Variants in CALCRL observed in about 807,000 individuals in gnomAD.
CALCRL encodes the protein calcitonin gene-related peptide type 1 receptor.
In CALCRL, 27 loss-of-function variants were observed where a neutral mutation model predicts 60.4. The observed-to-expected ratio is 0.45, with a 90% confidence interval of 0.33 to 0.62. CALCRL has a LOEUF of 0.62. Among genes scored for constraint, CALCRL ranks in the 20% least tolerant of loss-of-function variants. CALCRL has a pLI of 0.03. For missense variants in CALCRL, 424 were observed against 540.7 expected, an observed-to-expected ratio of 0.78 and a Z score of 2.14; for synonymous variants, 190 against 182.6, an observed-to-expected ratio of 1.04 and a Z score of -0.33.
chr2:187,347,267 T>C (rs991797023), intron 14 of CALCRL, among the ~76,000 whole-genome samples: 1 of 151,806 alleles, frequency 6.6e-6, no homozygotes, highest in African/African-American at 2.4e-5. Context: ...TGAGGACTTT[T>C]CCATGTCTGA....
At chr2:187,364,785 T>C (rs774944286) in intron 8 of CALCRL, among the ~76,000 whole-genome samples, 83 of 152,184 alleles carry the variant, frequency 5.5e-4, no homozygotes, top group Non-Finnish European at 7.5e-4. Flanking sequence ...ATCAATATTA[T>C]AAATTGTCAA....
intron 14 of CALCRL, among the ~76,000 whole-genome samples, chr2:187,351,354 T>C (rs1434724780): frequency 5.3e-5 from 8 of 151,686 alleles, no homozygotes; most frequent in African/African-American, 1.9e-4. Flanking sequence ...AGGAAACGCA[T>C]GGATAAAAAT....
At chr2:187,401,431 A>G (rs1559062685) in intron 1 of CALCRL, among the ~76,000 whole-genome samples, 1 of 151,710 alleles carries the variant, frequency 6.6e-6, no homozygotes, top group Non-Finnish European at 1.5e-5. Context: ...TATTTTATAT[A>G]TATAGAACTG....
Position 187,346,058 on chromosome 2 carries a change from G to C in CALCRL, c.*126C>G, listed in dbSNP as rs1238891406. On this transcript the variant is annotated 3_prime_UTR_variant, in exon 15 of 15. Transcript: ENST00000392370. ...CTTATCAACACACTACTAATTTCAT[G>C]TGAAGGCTCTTCTTTATGACATTCA... 1.6e-6 allele frequency: 1 copy of C among 615,624 alleles called. No individual in the cohort carries two copies. The allele number at this position is 615,624 out of a possible 1,614,324, so 38.1% of individuals were successfully genotyped here. A position where few individuals can be genotyped will look rare whatever the true frequency, so the allele number is the denominator to read the frequency against.
intron 1 of CALCRL, among the ~76,000 whole-genome samples, chr2:187,388,077 A>T (rs1260805328): frequency 2.0e-5 from 3 of 151,964 alleles, no homozygotes; most frequent in Non-Finnish European, 4.4e-5. Flanking sequence ...TTGATTTTAG[A>T]TATTTACATT....
chr2:187,358,986 G>A, intron 12 of CALCRL, 77 bp downstream of exon 12: 1 of 1,173,012 alleles, frequency 8.5e-7, no homozygotes, highest in Non-Finnish European at 1.3e-6. Flanking sequence ...GGACCCTGAA[G>A]GATACCATAG....
chr2:187,345,335 A>G lies in CALCRL; in HGVS notation c.*849T>C, dbSNP rs1337052908. On this transcript the variant is annotated 3_prime_UTR_variant, in exon 15 of 15. Coordinates refer to ENST00000392370, the MANE Select transcript of CALCRL (RefSeq NM_005795.6). ...CCTTCATTGATTTTCTTTATATAAA[A>G]TGATTGCTAATTTGTTTATACAGTA... The G allele has an allele frequency of 6.6e-6, 1 of 152,314 alleles. No homozygotes were observed. The highest frequency in any genetic ancestry group is 1.5e-5 in the Non-Finnish European group (1 of 67,862). 9.4% of individuals were successfully genotyped at this position (152,314 alleles called of 1,614,324 possible). A position where few individuals can be genotyped will look rare whatever the true frequency, so the allele number is the denominator to read the frequency against.
Position 187,417,482 on chromosome 2 carries a change from A to G in CALCRL, c.-292-29726T>C, listed in dbSNP as rs1268352586. ...AGATTTAAAATATTTGATGAAATAT[A>G]TGCCTGTGTTACAGATAATATATGC... On this transcript the variant is annotated intron_variant, in intron 1 of 14. Coordinates refer to ENST00000392370, the MANE Select transcript of CALCRL (RefSeq NM_005795.6). Among the ~76,000 whole-genome samples the G allele has an allele frequency of 5.3e-5, 8 of 152,106 alleles. No homozygotes were observed. In the East Asian group the frequency reaches 1.5e-3, roughly 29 times the overall value.
chr2:187,353,713 T>A (rs1686639064), intron 12 of CALCRL, among the ~76,000 whole-genome samples: 1 of 151,994 alleles, frequency 6.6e-6, no homozygotes, highest in African/African-American at 2.4e-5. Context: ...ATTCCACTCA[T>A]CCTAATATAT....
At chr2:187,380,886 T>G (rs1376863933) in intron 5 of CALCRL, 99 bp from the exon 6 acceptor site, 4 of 742,814 alleles carry the variant, frequency 5.4e-6, no homozygotes, top group Non-Finnish European at 8.8e-6. Flanking sequence ...GAGTAAAGGC[T>G]ATCTACTGAA....
intron 1 of CALCRL, among the ~76,000 whole-genome samples, chr2:187,433,176 G>A (rs1484335103): frequency 1.3e-5 from 2 of 152,030 alleles, no homozygotes; most frequent in East Asian, 3.9e-4. Context: ...AAATTTACCA[G>A]GTTCAAAGTT....
chr2:187,380,448 A>G lies in CALCRL; in HGVS notation c.408+19T>C. 7.1e-7 allele frequency: 1 copy of G among 1,414,232 alleles called. No individual in the cohort carries two copies. Among genetic ancestry groups the G allele is most frequent in the Non-Finnish European group, 1.0e-6 (1 of 999,786 alleles). 87.6% of individuals were successfully genotyped at this position (1,414,232 alleles called of 1,614,324 possible). ...AACAGATACTGTAAGTTAAATTTCA[A>G]TTCAGAATTATGACATACCTTCACT... On this transcript the variant is annotated intron_variant, in intron 7 of 14. Transcript: ENST00000392370.
At chr2:187,362,855 A>G (rs1427728692) in intron 9 of CALCRL, among the ~76,000 whole-genome samples, 1 of 152,132 alleles carries the variant, frequency 6.6e-6, no homozygotes, top group Non-Finnish European at 1.5e-5. Context: ...GATATGTACA[A>G]TTCATTCTTT....
chr2:187,393,559 T>C (rs559352033), intron 1 of CALCRL, among the ~76,000 whole-genome samples: 11 of 152,228 alleles, frequency 7.2e-5, no homozygotes, highest in South Asian at 2.1e-4. Flanking sequence ...TGCCATGAGA[T>C]TGTGAGCACA....
intron 1 of CALCRL, among the ~76,000 whole-genome samples, chr2:187,394,520 C>G (rs1688581315): frequency 1.3e-5 from 2 of 151,960 alleles, no homozygotes; most frequent in Non-Finnish European, 2.9e-5. Context: ...TTTTTTCCAT[C>G]AAACCAAAGT....
Position 187,391,675 on chromosome 2 carries a change from G to A in CALCRL, c.-292-3919C>T, listed in dbSNP as rs373368682. Among the ~76,000 whole-genome samples the A allele has an allele frequency of 2.4e-3, 369 of 152,096 alleles. 2 individuals carry two copies. Among genetic ancestry groups the A allele is most frequent in the Middle Eastern group, 0.021 (6 of 292 alleles). On this transcript the variant is annotated intron_variant, in intron 1 of 14. Transcript: ENST00000392370. The stretch of plus-strand genomic sequence containing the variant: ...AACTAAGTGGTTTATTACTGGAAAT[G>A]AGATAATTTTCTTTACTATGCAAAA...
intron 1 of CALCRL, among the ~76,000 whole-genome samples, chr2:187,407,907 T>C (rs1382207954): frequency 1.3e-5 from 2 of 152,136 alleles, no homozygotes; most frequent in Non-Finnish European, 2.9e-5. Flanking sequence ...TTGTTTTGCA[T>C]GGTGCATTAA....
intron 1 of CALCRL, among the ~76,000 whole-genome samples, chr2:187,418,055 A>T (rs1001730513): frequency 6.6e-6 from 1 of 152,148 alleles, no homozygotes; most frequent in Admixed American, 6.5e-5. Flanking sequence ...TACCCAGCTT[A>T]GTTTGAGGTT....
chr2:187,358,614 C>T (rs537987872), intron 12 of CALCRL, among the ~76,000 whole-genome samples: 1 of 151,178 alleles, frequency 6.6e-6, no homozygotes, highest in African/African-American at 2.4e-5. Flanking sequence ...TGCCCTGAGA[C>T]ATTTGCTGCA....
Sources: allele counts gnomAD v4.1 joint callset (sites outside exome capture counted in the v4.1 genomes callset), GRCh38; gene constraint gnomAD v4.1.1; transcripts MANE v1.5; gene names NCBI Gene and HGNC (gene_info 2026-07-23, HGNC 2026-07-21).